The following KCNIP4 variants were observed in gnomAD, a reference collection of about 807,000 sequenced individuals.
KCNIP4 encodes the protein potassium voltage-gated channel interacting protein 4.
Under a neutral mutation model 34.0 loss-of-function variants are expected in KCNIP4, and 12 were observed. The ratio of observed to expected loss-of-function variants is 0.35; its 90% CI spans 0.23 to 0.57. The LOEUF is 0.57. Ranked by LOEUF, KCNIP4 falls within the 20% of genes least tolerant of loss-of-function variation. The pLI is 0.83. For synonymous variants in KCNIP4, 124 were observed against 102.2 expected (o/e 1.21, Z -1.29); for missense variants, 238 against 311.7 (o/e 0.76, Z 1.78).
At chr4:21,416,244 G>A (rs573305123) in intron 1 of KCNIP4, among the ~76,000 whole-genome samples, 28 of 152,236 alleles carry the variant, frequency 1.8e-4, no homozygotes, top group African/African-American at 6.5e-4. Context: ...TAAGGGTAGT[G>A]GCACATAAGT....
intron 1 of KCNIP4, among the ~76,000 whole-genome samples, chr4:21,622,602 C>T (rs1475032666): frequency 1.3e-5 from 2 of 152,046 alleles, no homozygotes; most frequent in African/African-American, 2.4e-5. Context: ...ATTTATATCA[C>T]TGGAGCATGA....
chr4:21,894,758 T>G (rs1393523283), intron 1 of KCNIP4, among the ~76,000 whole-genome samples: 1 of 152,234 alleles, frequency 6.6e-6, no homozygotes, highest in Non-Finnish European at 1.5e-5. Flanking sequence ...GAAGTTGGTT[T>G]TTTTCCATCT....
intron 1 of KCNIP4, among the ~76,000 whole-genome samples, chr4:21,654,697 GC>G (rs1391211501): frequency 2.0e-5 from 3 of 152,054 alleles, no homozygotes; most frequent in Non-Finnish European, 4.4e-5. Context: ...GCCGAGGCAG[GC>G]AGATCACGAG....
Position 21,371,628 on chromosome 4 carries a change from T to C in KCNIP4, c.62-488919A>G, listed in dbSNP as rs1361016462. On this transcript the variant is annotated intron_variant, in intron 1 of 8. Coordinates refer to ENST00000382152, the MANE Select transcript of KCNIP4 (RefSeq NM_025221.6). ...TATTACCTGTATGCCTGACACACAT[T>C]GTTCTCACTAAATGTTAGTTGTTAT... Among the ~76,000 whole-genome samples, 4 of 147,092 alleles carry C rather than the reference T, an allele frequency of 2.7e-5. 2 individuals carry two copies. The highest frequency in any genetic ancestry group is 1.1e-4 in the African/African-American group (4 of 36,736).
intron 1 of KCNIP4, among the ~76,000 whole-genome samples, chr4:21,317,346 T>C (rs2109290734): frequency 6.6e-6 from 1 of 152,258 alleles, no homozygotes; most frequent in East Asian, 1.9e-4. Context: ...GTTGTAAAAA[T>C]ATGTTTACTA....
chr4:20,960,641 G>A (rs944268694), intron 1 of KCNIP4, among the ~76,000 whole-genome samples: 3 of 152,150 alleles, frequency 2.0e-5, no homozygotes, highest in African/African-American at 7.2e-5. Flanking sequence ...CATTTAGCAG[G>A]GGCGAATATC....
intron 1 of KCNIP4, among the ~76,000 whole-genome samples, chr4:21,003,549 T>C (rs967296036): frequency 5.3e-5 from 8 of 152,130 alleles, no homozygotes; most frequent in African/African-American, 1.9e-4. Flanking sequence ...ACACAAAAAA[T>C]AGAAACTGGA....
chr4:21,194,538 G>C (rs1228546470), intron 1 of KCNIP4, among the ~76,000 whole-genome samples: 1 of 152,096 alleles, frequency 6.6e-6, no homozygotes, highest in African/African-American at 2.4e-5. Flanking sequence ...TCCTAACTTC[G>C]AATTATTTTC....
intron 1 of KCNIP4, among the ~76,000 whole-genome samples, chr4:21,365,150 CA>C (rs1198514102): frequency 1.3e-5 from 2 of 151,968 alleles, no homozygotes; most frequent in East Asian, 3.9e-4. Flanking sequence ...TCCAAATATG[CA>C]ATTATGTGTT....
chr4:21,565,258 G>T (rs1261161496), intron 1 of KCNIP4, among the ~76,000 whole-genome samples: 1 of 152,136 alleles, frequency 6.6e-6, no homozygotes, highest in Admixed American at 6.5e-5. Flanking sequence ...CTTGCAGATG[G>T]CCGCTTTCTT....
At chr4:21,189,973 T>A (rs1755506990) in intron 1 of KCNIP4, among the ~76,000 whole-genome samples, 1 of 152,216 alleles carries the variant, frequency 6.6e-6, no homozygotes, top group African/African-American at 2.4e-5. Flanking sequence ...ATACAGTAGA[T>A]AACTATTGAA....
intron 1 of KCNIP4, among the ~76,000 whole-genome samples, chr4:21,783,782 G>A (rs58235401): frequency 0.12 from 18,573 of 152,048 alleles, 3,415 homozygotes; most frequent in African/African-American, 0.4. Flanking sequence ...GGTAAACAGA[G>A]CTTAATCCCT....
At chr4:21,267,786 T>C (rs1203286763) in intron 1 of KCNIP4, among the ~76,000 whole-genome samples, 1 of 148,534 alleles carries the variant, frequency 6.7e-6, no homozygotes, top group Non-Finnish European at 1.5e-5. Context: ...TCAATGTTCA[T>C]CAAGGATATT....
chr4:21,919,627 A>T (rs1188451955), intron 1 of KCNIP4, among the ~76,000 whole-genome samples: 1 of 152,122 alleles, frequency 6.6e-6, no homozygotes, highest in Non-Finnish European at 1.5e-5. Flanking sequence ...CTATCTAGAT[A>T]AATCATGGGG....
chr4:21,065,168 G>A (rs1440499535), intron 1 of KCNIP4, among the ~76,000 whole-genome samples: 1 of 152,034 alleles, frequency 6.6e-6, no homozygotes, highest in East Asian at 1.9e-4. Context: ...TTTCTTCTTG[G>A]TTGACTTTCT....
At chr4:21,330,627 A>G (rs960046215) in intron 1 of KCNIP4, among the ~76,000 whole-genome samples, 1 of 152,162 alleles carries the variant, frequency 6.6e-6, no homozygotes, top group Non-Finnish European at 1.5e-5. Context: ...TTTGAATTTA[A>G]TTGAAACCCT....
At chr4:20,806,758 A>G (rs1715145024) in intron 3 of KCNIP4, among the ~76,000 whole-genome samples, 1 of 152,128 alleles carries the variant, frequency 6.6e-6, no homozygotes, top group African/African-American at 2.4e-5. Context: ...ATATCTGTAA[A>G]AAGTTTTCAA....
chr4:21,754,235 TA>T (rs1482192616), intron 1 of KCNIP4, among the ~76,000 whole-genome samples: 1 of 152,136 alleles, frequency 6.6e-6, no homozygotes, highest in Non-Finnish European at 1.5e-5. Context: ...GTTCTCCTTC[TA>T]AAAAATATCC....
intron 1 of KCNIP4, among the ~76,000 whole-genome samples, chr4:21,569,009 G>A (rs1740140396): frequency 6.6e-6 from 1 of 151,798 alleles, no homozygotes; most frequent in African/African-American, 2.4e-5. Context: ...AGAGGCATGG[G>A]TAAGATCACT....
Sources: allele counts gnomAD v4.1 joint callset (sites outside exome capture counted in the v4.1 genomes callset), GRCh38; gene constraint gnomAD v4.1.1; transcripts MANE v1.5; gene names NCBI Gene and HGNC (gene_info 2026-07-23, HGNC 2026-07-21).